CPQ: variants seen among roughly 807,000 people sequenced by gnomAD.
CPQ encodes Ser-Met dipeptidase.
A neutral mutation model predicts 45.7 loss-of-function variants in CPQ; 37 were observed. That is an observed-to-expected ratio of 0.81 (90% CI 0.62 to 1.07). The LOEUF (loss-of-function observed/expected upper bound fraction) is 1.07. CPQ is among the 50% of genes least tolerant of loss of function. The pLI, the probability that CPQ is intolerant of heterozygous loss-of-function variation, is 0.00. For synonymous variants in CPQ, 186 were observed against 205.8 expected, an observed-to-expected ratio of 0.90 and a Z score of 0.82; for missense variants, 537 against 572.9, an observed-to-expected ratio of 0.94 and a Z score of 0.64.
rs551967820 is a variant in CPQ, at chr8:96,717,373, A to G, written c.-34-67491A>G. ...TGTAAAATTGCTCCTTTTTCACCAC[A>G]TCCATGCCAACATCTATTATTGGCA... is the stretch of plus-strand genomic sequence containing the variant. On this transcript the variant is annotated intron_variant, in intron 1 of 7. Coordinates refer to ENST00000220763, the MANE Select transcript of CPQ (RefSeq NM_016134.4). Among the ~76,000 whole-genome samples the G allele has an allele frequency of 4.7e-4, 71 of 151,946 alleles. 1 individual carries two copies. Among genetic ancestry groups the G allele is most frequent in the African/African-American group, 1.6e-3 (68 of 41,444 alleles).
At chr8:96,968,339 T>C (rs113759663) in intron 5 of CPQ, among the ~76,000 whole-genome samples, 15 of 152,234 alleles carry the variant, frequency 9.9e-5, no homozygotes, top group African/African-American at 3.4e-4. Context: ...TTTCCATGAT[T>C]GCACCCATTG....
intron 7 of CPQ, among the ~76,000 whole-genome samples, chr8:97,081,346 C>A (rs1324354117): frequency 6.6e-6 from 1 of 151,966 alleles, no homozygotes; most frequent in African/African-American, 2.4e-5. Flanking sequence ...GCTTCAGTTG[C>A]CCCCCCATAC....
chr8:97,078,797 CT>C (rs1810896329), intron 7 of CPQ, among the ~76,000 whole-genome samples: 1 of 150,470 alleles, frequency 6.6e-6, no homozygotes, highest in Non-Finnish European at 1.5e-5. Context: ...CTCTCTCTCT[CT>C]CTCTCTCTCC....
At chr8:96,734,165 C>G (rs1809947986) in intron 1 of CPQ, among the ~76,000 whole-genome samples, 1 of 152,312 alleles carries the variant, frequency 6.6e-6, no homozygotes, top group African/African-American at 2.4e-5. Context: ...CATCATCTTC[C>G]TCATTTCTAC....
intron 3 of CPQ, among the ~76,000 whole-genome samples, chr8:96,842,994 C>T (rs1016122339): frequency 6.6e-6 from 1 of 152,200 alleles, no homozygotes; most frequent in Non-Finnish European, 1.5e-5. Context: ...CTACCTCCGC[C>T]TCCCGGGTTC....
chr8:97,087,060 C>G (rs1219746809), intron 7 of CPQ, among the ~76,000 whole-genome samples: 1 of 152,142 alleles, frequency 6.6e-6, no homozygotes, highest in Non-Finnish European at 1.5e-5. Flanking sequence ...GGCATTCCTT[C>G]TTTCTTTATT....
At chr8:96,922,685 A>G (rs1263498733) in intron 4 of CPQ, among the ~76,000 whole-genome samples, 1 of 152,218 alleles carries the variant, frequency 6.6e-6, no homozygotes, top group Admixed American at 6.5e-5. Context: ...GACAACCTAA[A>G]AGCATTTCAA....
rs757077941 is a variant in CPQ at position 96,879,788 on chromosome 8, T to C, written c.642-10T>C. On this transcript the variant is annotated splice_polypyrimidine_tract_variant and intron_variant, in intron 3 of 7. Transcript: ENST00000220763. Reference sequence around the variant, plus strand: ...ACTTTCAAGGTAACCTGGTGGCTTCTTCTCTCAAGTCCTCACACAGGTATT... The same window carrying C: ...ACTTTCAAGGTAACCTGGTGGCTTCCTCTCTCAAGTCCTCACACAGGTATT... 145 of 1,612,546 alleles carry C rather than the reference T, an allele frequency of 9.0e-5. No individual in the cohort carries two copies. The highest frequency in any genetic ancestry group is 1.2e-4 in the Non-Finnish European group (139 of 1,178,760).
At chr8:97,067,972 G>T (rs1366746722) in intron 7 of CPQ, among the ~76,000 whole-genome samples, 5 of 152,170 alleles carry the variant, frequency 3.3e-5, no homozygotes, top group Non-Finnish European at 5.9e-5. Context: ...TGAATAAGCT[G>T]CTGTGTGGTA....
At chr8:97,065,211 T>TA (rs5893407) in intron 6 of CPQ, among the ~76,000 whole-genome samples, 19,567 of 152,128 alleles carry the variant, frequency 0.13, 3,027 homozygotes, top group African/African-American at 0.37. Context: ...TGAAGGATCT[T>TA]AAAGTTGCAA....
At chr8:96,716,645 T>A (rs1032171344) in intron 1 of CPQ, among the ~76,000 whole-genome samples, 50 of 152,118 alleles carry the variant, frequency 3.3e-4, no homozygotes, top group Non-Finnish European at 2.8e-4. Context: ...CAGTGGCTCA[T>A]GCTTGTAATC....
At chr8:96,659,858 C>T (rs1027709047) in intron 1 of CPQ, among the ~76,000 whole-genome samples, 2 of 152,176 alleles carry the variant, frequency 1.3e-5, no homozygotes, top group Non-Finnish European at 2.9e-5. Flanking sequence ...GCTGTCATTA[C>T]GCTAGTCCTA....
chr8:96,949,062 T>A (rs925154113), intron 4 of CPQ, among the ~76,000 whole-genome samples: 1 of 152,060 alleles, frequency 6.6e-6, no homozygotes, highest in Non-Finnish European at 1.5e-5. Context: ...GTGGAGTGCA[T>A]GTAGTTGGGT....
At chr8:97,105,131 G>A (rs192218098) in intron 7 of CPQ, among the ~76,000 whole-genome samples, 30 of 152,042 alleles carry the variant, frequency 2.0e-4, no homozygotes, top group Admixed American at 3.3e-4. Context: ...GACAGCTCTC[G>A]GGTTATAGCT....
rs111897501 is a variant in CPQ, at chr8:96,799,386, TC to T, written c.433+14057del. 1.2e-3 allele frequency among the ~76,000 whole-genome samples: 178 copies of T among 152,328 alleles called. 1 individual carries two copies. The highest frequency in any genetic ancestry group is 3.4e-3 in the African/African-American group (143 of 41,574). On this transcript the variant is annotated intron_variant, in intron 2 of 7. Transcript: ENST00000220763. ...CTAATTTACCTGCAAAGTCCCATCA[TC>T]AGATAAGTAATTATTTGCACATGAC...
chr8:96,985,224 TCTTA>T (rs1813993674), intron 5 of CPQ, among the ~76,000 whole-genome samples: 1 of 152,070 alleles, frequency 6.6e-6, no homozygotes, highest in South Asian at 2.1e-4. Flanking sequence ...ATTTCCTTGC[TCTTA>T]CTTTTTTTTC....
At position 96,730,965 on chromosome 8, in the gene CPQ, A is replaced by G. The variant is rs1046542464; in HGVS notation, c.-34-53899A>G. 2.7e-5 allele frequency among the ~76,000 whole-genome samples: 4 copies of G among 150,296 alleles called. No homozygotes were observed. In the Admixed American group the frequency reaches 2.7e-4, roughly 10 times the overall value. The stretch of plus-strand genomic sequence containing the variant: ...AACCTTATGGAAACCCAATGCATAA[A>G]AAAGATTAAAGTGGAGGTGCTTTAC... On this transcript the variant is annotated intron_variant, in intron 1 of 7. Coordinates refer to ENST00000220763, the MANE Select transcript of CPQ (RefSeq NM_016134.4).
At chr8:96,825,884 C>A (rs1811373665) in intron 2 of CPQ, among the ~76,000 whole-genome samples, 1 of 152,066 alleles carries the variant, frequency 6.6e-6, no homozygotes. Flanking sequence ...TCTAATATAG[C>A]ACTGTAATAA....
chr8:96,842,777 G>T (rs1277922929), intron 3 of CPQ, among the ~76,000 whole-genome samples: 1 of 152,208 alleles, frequency 6.6e-6, no homozygotes, highest in Non-Finnish European at 1.5e-5. Context: ...GAGACTCCAT[G>T]CCTGTGTCTT....
Sources: allele counts gnomAD v4.1 joint callset (sites outside exome capture counted in the v4.1 genomes callset), GRCh38; gene constraint gnomAD v4.1.1; transcripts MANE v1.5; gene names NCBI Gene and HGNC (gene_info 2026-07-23, HGNC 2026-07-21).